ZNF540: variants seen among roughly 807,000 people sequenced by gnomAD.
ZNF540 encodes zinc finger protein 540.
ZNF540 carries 3 observed loss-of-function variants against 11.8 expected under a neutral mutation model. The ratio of observed to expected loss-of-function variants is 0.25; its 90% CI spans 0.12 to 0.65. The LOEUF (loss-of-function observed/expected upper bound fraction) is 0.65. Ranked by LOEUF, ZNF540 falls within the 30% of genes least tolerant of loss-of-function variation. The pLI is 0.83. For missense variants in ZNF540, 709 were observed against 793.1 expected (o/e 0.89, Z 1.27); for synonymous variants, 247 against 259.0 (o/e 0.95, Z 0.45).
At chr19:37,579,254 G>A (rs2043359127) in intron 1 of ZNF540, among the ~76,000 whole-genome samples, 1 of 152,192 alleles carries the variant, frequency 6.6e-6, no homozygotes, top group Non-Finnish European at 1.5e-5. Context: ...AGCCCCTTCA[G>A]GTCTCACACA....
chr19:37,560,811 C>T lies in ZNF540; in HGVS notation c.-73+9146C>T, dbSNP rs188127560. On this transcript the variant is annotated intron_variant, in intron 1 of 4. Coordinates refer to the ZNF540 transcript ENST00000592533. The stretch of plus-strand genomic sequence containing the variant: ...CTGATTAGTGTACATTCCTCCCCCA[C>T]CAACCATTTTGAGAGAAATTTGTCT... The T allele has an allele frequency of 1.1e-4, 16 of 152,178 alleles. No homozygotes were observed. In the East Asian group the frequency reaches 3.1e-3, roughly 29 times the overall value. The allele number at this position is 152,178 out of a possible 1,614,324, so 9.4% of individuals were successfully genotyped here.
chr19:37,565,975 C>G lies in ZNF540; in HGVS notation c.-73+14310C>G, dbSNP rs2042842877. The G allele has an allele frequency of 1.9e-6, 3 of 1,613,632 alleles. No individual in the cohort carries two copies. The Admixed American group carries it at 5.0e-5, about 27-fold the overall frequency. Reference sequence around the variant, plus strand: ...TTTCCTCATGTTGAATAAGGCATGACAGGTAGCTGAAACCTTGTCTGCATT... The same window carrying G: ...TTTCCTCATGTTGAATAAGGCATGAGAGGTAGCTGAAACCTTGTCTGCATT... On this transcript the variant is annotated intron_variant, in intron 1 of 4. Coordinates refer to the ZNF540 transcript ENST00000592533.
intron 4 of ZNF540, among the ~76,000 whole-genome samples, chr19:37,605,068 G>A (rs2044073182): frequency 6.6e-6 from 1 of 152,172 alleles, no homozygotes; most frequent in South Asian, 2.1e-4. Context: ...CATGAATAAA[G>A]CTATTATGAG....
chr19:37,599,491 T>C (rs2044022748), intron 2 of ZNF540, 135 bp from the exon 3 acceptor site: 17 of 1,010,306 alleles, frequency 1.7e-5, no homozygotes, highest in Non-Finnish European at 2.4e-5. Flanking sequence ...CTTCTATCTT[T>C]ATCATAAGCT....
At position 37,598,387 on chromosome 19, in the gene ZNF540, C is replaced by A; in HGVS notation, c.-61C>A. 1.2e-6 allele frequency: 2 copies of A among 1,604,532 alleles called. No individual in the cohort carries two copies. Among genetic ancestry groups the A allele is most frequent in the Non-Finnish European group, 1.7e-6 (2 of 1,173,892 alleles). ...CTCCTCTAACTCAGGCTTCTCAGAA[C>A]TTTGCTTCTCCAGCAGAATAATCCT... is the stretch of plus-strand genomic sequence containing the variant. On this transcript the variant is annotated 5_prime_UTR_variant, in exon 2 of 5. Coordinates refer to ENST00000316433, the MANE Select transcript of ZNF540 (RefSeq NM_001172225.3).
intron 1 of ZNF540, among the ~76,000 whole-genome samples, chr19:37,573,820 G>A (rs1278201991): frequency 1.3e-5 from 2 of 148,704 alleles, no homozygotes; most frequent in East Asian, 1.9e-4. Context: ...GCAACAGAAC[G>A]AGATCCTGTT....
rs376344162 is a variant in ZNF540, at chr19:37,600,897, GAA to G, written c.137-112_137-111del. 99 of 883,448 alleles carry G rather than the reference GAA, an allele frequency of 1.1e-4. No individual in the cohort carries two copies. The African/African-American group carries it at 1.6e-3, about 14-fold the overall frequency. 54.7% of individuals were successfully genotyped at this position (883,448 alleles called of 1,614,324 possible). A position where few individuals can be genotyped will look rare whatever the true frequency, so the allele number is the denominator to read the frequency against. ...TTCTTTAATCCTGTCAGTTTTTTCCGAAGTCTTCATCGAAATCATGTTGATCC... is the reference window on the plus strand; with the variant it reads ...TTCTTTAATCCTGTCAGTTTTTTCCGGTCTTCATCGAAATCATGTTGATCC... On this transcript the variant is annotated intron_variant, in intron 3 of 4. Transcript: ENST00000316433.
At position 37,570,888 on chromosome 19, in the gene ZNF540, T is replaced by G. The variant is rs930819845; in HGVS notation, c.-73+19223T>G. 2.6e-5 allele frequency among the ~76,000 whole-genome samples: 4 copies of G among 151,724 alleles called. No homozygotes were observed. The East Asian group carries it at 7.7e-4, about 29-fold the overall frequency. Reference sequence around the variant, plus strand: ...CATCTTTGATTACCAAAAGCATATGTAGAAGCCCCAAATGCTGCACCCACA... The same window carrying G: ...CATCTTTGATTACCAAAAGCATATGGAGAAGCCCCAAATGCTGCACCCACA... On this transcript the variant is annotated intron_variant, in intron 1 of 4. Transcript: ENST00000592533.
chr19:37,587,571 C>T (rs563227899), intron 1 of ZNF540, among the ~76,000 whole-genome samples: 1 of 151,572 alleles, frequency 6.6e-6, no homozygotes, highest in Non-Finnish European at 1.5e-5. Context: ...CACCTACTTG[C>T]CATAGTTGTG....
At chr19:37,552,190 T>C (rs1230841429) in intron 1 of ZNF540, among the ~76,000 whole-genome samples, 1 of 152,234 alleles carries the variant, frequency 6.6e-6, no homozygotes, top group Non-Finnish European at 1.5e-5. Context: ...TTGCAAACAT[T>C]TTTTAATTTT....
intron 1 of ZNF540, chr19:37,585,953 T>C (rs2043658378): frequency 6.6e-6 from 1 of 152,176 alleles, no homozygotes; most frequent in South Asian, 2.1e-4. Context: ...ACCCCAGGGA[T>C]CGTGGACAGC....
At chr19:37,553,363 C>T (rs571113676) in intron 1 of ZNF540, among the ~76,000 whole-genome samples, 1 of 151,802 alleles carries the variant, frequency 6.6e-6, no homozygotes, top group Admixed American at 6.5e-5. Context: ...AAACTCCTGA[C>T]TTCAGGTGAT....
chr19:37,601,097 A>G lies in ZNF540; in HGVS notation c.224A>G (p.Gln75Arg). The change falls in exon 4 of 5, where the codon CAG (glutamine) becomes CGG (arginine). Residue 75 changes from glutamine (Q) to arginine (R), a missense_variant. Coordinates refer to ENST00000316433, the MANE Select transcript of ZNF540 (RefSeq NM_001172225.3). The stretch of plus-strand genomic sequence containing the variant: ...GTGGCGAGGGATGTGACAGGAAGAC[A>G]GTGCCCCGGTGAGTTGAGAGTTCAT... ...CVVARDVTGR[Q>R]CPGLLSRHKT... 2.5e-6 allele frequency: 4 copies of G among 1,576,492 alleles called. No individual in the cohort carries two copies. The highest frequency in any genetic ancestry group is 3.4e-6 in the Non-Finnish European group (4 of 1,160,586).
intron 1 of ZNF540, among the ~76,000 whole-genome samples, chr19:37,557,475 A>G (rs1273596735): frequency 2.0e-5 from 3 of 152,146 alleles, no homozygotes. Context: ...CGATCAATTC[A>G]GCTTTTTGCG....
At chr19:37,574,906 T>C (rs1190133068) in intron 1 of ZNF540, among the ~76,000 whole-genome samples, 1 of 152,194 alleles carries the variant, frequency 6.6e-6, no homozygotes, top group African/African-American at 2.4e-5. Context: ...TTCATAACTA[T>C]ATAATGCTGT....
chr19:37,600,303 C>G (rs1272640014), intron 3 of ZNF540, among the ~76,000 whole-genome samples: 1 of 152,078 alleles, frequency 6.6e-6, no homozygotes, highest in Non-Finnish European at 1.5e-5. Context: ...TCAAATGTAC[C>G]TCAAACCTCA....
chr19:37,566,230 T>C (rs1433653598), intron 1 of ZNF540: 1 of 1,613,626 alleles, frequency 6.2e-7, no homozygotes, highest in African/African-American at 1.3e-5. Flanking sequence ...ACTGGAGTGA[T>C]TCCATTTCAT....
chr19:37,610,240 C>T (rs923715588), intron 4 of ZNF540, among the ~76,000 whole-genome samples: 1 of 152,174 alleles, frequency 6.6e-6, no homozygotes, highest in African/African-American at 2.4e-5. Context: ...ACTTATCTGT[C>T]ATTCATCATC....
rs1273941484 is a variant in ZNF540 at position 37,602,779 on chromosome 19, C to T, written c.232+1674C>T. Among the ~76,000 whole-genome samples, 5 of 152,088 alleles carry T rather than the reference C, an allele frequency of 3.3e-5. 1 individual carries two copies. Among genetic ancestry groups the T allele is most frequent in the Admixed American group, 1.3e-4 (2 of 15,276 alleles). ...TCTGTGAGGTCAACTGAACTGTAAA[C>T]TGCCTATAGGATATGGCAGGAAAGA... On this transcript the variant is annotated intron_variant, in intron 4 of 4. Coordinates refer to ENST00000316433, the MANE Select transcript of ZNF540 (RefSeq NM_001172225.3).
Sources: allele counts gnomAD v4.1 joint callset (sites outside exome capture counted in the v4.1 genomes callset), GRCh38; gene constraint gnomAD v4.1.1; transcripts MANE v1.5; gene names NCBI Gene and HGNC (gene_info 2026-07-23, HGNC 2026-07-21).